PDE10A: variants seen among roughly 807,000 people sequenced by gnomAD.
The protein encoded by PDE10A is cAMP and cAMP-inhibited cGMP 3',5'-cyclic phosphodiesterase 10A.
Under a neutral mutation model 97.7 loss-of-function variants are expected in PDE10A, and 39 were observed. The observed-to-expected ratio is 0.40, with a 90% confidence interval of 0.31 to 0.52. The LOEUF is 0.52. Among genes scored for constraint, PDE10A ranks in the 20% least tolerant of loss-of-function variants. The pLI is 0.56. For missense variants in PDE10A, 731 were observed against 1,047.8 expected (o/e 0.70, Z 4.17); for synonymous variants, 371 against 376.8 (o/e 0.98, Z 0.18).
At chr6:165,619,436 A>G (rs1787967934) in intron 1 of PDE10A, among the ~76,000 whole-genome samples, 1 of 59,046 alleles carries the variant, frequency 1.7e-5, no homozygotes, top group Admixed American at 1.8e-4. Flanking sequence ...AGTATAGTGT[A>G]GTGTAGTATA....
chr6:165,698,029 C>A (rs1791481663), intron 1 of PDE10A, among the ~76,000 whole-genome samples: 1 of 152,190 alleles, frequency 6.6e-6, no homozygotes, highest in South Asian at 2.1e-4. Flanking sequence ...TTTTATTCCT[C>A]AGGCTTTGGA....
chr6:165,897,567 C>T (rs1781988073), intron 1 of PDE10A, among the ~76,000 whole-genome samples: 1 of 151,950 alleles, frequency 6.6e-6, no homozygotes, highest in Non-Finnish European at 1.5e-5. Flanking sequence ...ATGTGCTGAT[C>T]TCGGCAGGAA....
intron 3 of PDE10A, among the ~76,000 whole-genome samples, chr6:165,450,714 C>T (rs762702434): frequency 3.1e-4 from 47 of 152,014 alleles, no homozygotes; most frequent in Admixed American, 1.4e-3. Flanking sequence ...CACCACCACA[C>T]CATGCCTGGC....
At chr6:165,913,857 C>G (rs906209402) in intron 1 of PDE10A, among the ~76,000 whole-genome samples, 2 of 152,202 alleles carry the variant, frequency 1.3e-5, no homozygotes, top group Non-Finnish European at 2.9e-5. Flanking sequence ...GTGAGACAAG[C>G]CATCCAGCAA....
chr6:165,893,445 G>A (rs144748771), intron 1 of PDE10A, among the ~76,000 whole-genome samples: 283 of 152,258 alleles, frequency 1.9e-3, no homozygotes, highest in African/African-American at 3.3e-3. Context: ...ATTTATTGTC[G>A]ACATTTAACC....
intron 1 of PDE10A, among the ~76,000 whole-genome samples, chr6:165,926,537 C>G (rs182800045): frequency 6.6e-6 from 1 of 152,232 alleles, no homozygotes; most frequent in East Asian, 1.9e-4. Context: ...ATTTGGAAAC[C>G]CTAACGGTTA....
chr6:165,376,239 A>G (rs890669208), intron 18 of PDE10A, among the ~76,000 whole-genome samples: 1 of 152,244 alleles, frequency 6.6e-6, no homozygotes, highest in African/African-American at 2.4e-5. Flanking sequence ...AGGTAGTCAA[A>G]GCTTCAAGAC....
chr6:165,900,315 T>C (rs1321886315), intron 1 of PDE10A, among the ~76,000 whole-genome samples: 1 of 151,940 alleles, frequency 6.6e-6, no homozygotes, highest in African/African-American at 2.4e-5. Flanking sequence ...CTACTAAAAA[T>C]ACAAAAATTA....
intron 5 of PDE10A, among the ~76,000 whole-genome samples, chr6:165,437,874 C>T (rs951485968): frequency 1.3e-5 from 2 of 152,152 alleles, no homozygotes; most frequent in Non-Finnish European, 2.9e-5. Context: ...CCTGCAAAAG[C>T]TCCTTTTTAA....
chr6:165,678,201 A>G (rs115636611), intron 1 of PDE10A, among the ~76,000 whole-genome samples: 2 of 115,530 alleles, frequency 1.7e-5, no homozygotes, highest in Non-Finnish European at 3.7e-5. Flanking sequence ...GTGTATGTAT[A>G]TGTGTGTCTG....
intron 1 of PDE10A, among the ~76,000 whole-genome samples, chr6:165,562,299 A>T (rs1180613722): frequency 2.6e-5 from 4 of 152,204 alleles, no homozygotes; most frequent in African/African-American, 7.2e-5. Flanking sequence ...CTGTTATTAA[A>T]TCTATATACC....
chr6:165,513,737 C>G (rs369707661), intron 2 of PDE10A, among the ~76,000 whole-genome samples: 1 of 152,056 alleles, frequency 6.6e-6, no homozygotes, highest in South Asian at 2.1e-4. Context: ...AAATTTTGCA[C>G]TTCTGCTAAA....
intron 1 of PDE10A, among the ~76,000 whole-genome samples, chr6:165,771,659 A>T (rs1778014852): frequency 7.2e-6 from 1 of 139,074 alleles, no homozygotes; most frequent in African/African-American, 2.9e-5. Flanking sequence ...CAAGATAAAA[A>T]AAAAAAAAAA....
chr6:165,487,396 C>G (rs1329281070), intron 2 of PDE10A, among the ~76,000 whole-genome samples: 2 of 152,170 alleles, frequency 1.3e-5, no homozygotes, highest in Non-Finnish European at 2.9e-5. Context: ...GAAAAAAGCT[C>G]AGGGCTTCCA....
At chr6:165,941,635 C>G (rs916724649) in intron 1 of PDE10A, among the ~76,000 whole-genome samples, 2 of 152,188 alleles carry the variant, frequency 1.3e-5, no homozygotes, top group South Asian at 2.1e-4. Context: ...CTCCCTCCCC[C>G]ACTCTCCCTT....
chr6:165,604,923 T>G (rs1787136144), intron 1 of PDE10A, among the ~76,000 whole-genome samples: 1 of 152,228 alleles, frequency 6.6e-6, no homozygotes, highest in South Asian at 2.1e-4. Flanking sequence ...CACAGAAAAC[T>G]TGACAGTTAA....
chr6:165,739,939 T>C (rs1792676688), intron 1 of PDE10A, among the ~76,000 whole-genome samples: 1 of 152,108 alleles, frequency 6.6e-6, no homozygotes, highest in Admixed American at 6.6e-5. Flanking sequence ...TAATAGTTAT[T>C]TATAAAAGAC....
chr6:165,451,501 C>T (rs1791288623), intron 3 of PDE10A, among the ~76,000 whole-genome samples: 1 of 152,202 alleles, frequency 6.6e-6, no homozygotes, highest in Non-Finnish European at 1.5e-5. Context: ...CACAGTAACA[C>T]ACCATGTGCT....
chr6:165,840,000 CCATCT>C (rs1780208394), intron 1 of PDE10A, among the ~76,000 whole-genome samples: 6 of 24,524 alleles, frequency 2.4e-4, no homozygotes, highest in East Asian at 1.0e-3. Context: ...CAACTCCATC[CCATCT>C]CCATCCTCAT....
Sources: allele counts gnomAD v4.1 joint callset (sites outside exome capture counted in the v4.1 genomes callset), GRCh38; gene constraint gnomAD v4.1.1; transcripts MANE v1.5; gene names NCBI Gene and HGNC (gene_info 2026-07-23, HGNC 2026-07-21).